LAMB4: variants seen among roughly 807,000 people sequenced by gnomAD.
The protein encoded by LAMB4 is laminin subunit beta 4.
A neutral mutation model predicts 199.2 loss-of-function variants in LAMB4; 196 were observed. That is an observed-to-expected ratio of 0.98 (90% CI 0.88 to 1.11). The LOEUF is 1.11. LAMB4 is among the 50% of genes least tolerant of loss of function. The pLI is 0.00. For missense variants in LAMB4, 2,080 were observed against 2,171.2 expected (o/e 0.96, Z 0.83); for synonymous variants, 744 against 770.6 (o/e 0.97, Z 0.57).
In LAMB4 at chr7:108,111,860, A is replaced by C; in HGVS notation, c.279T>G (p.Ile93Met). ...TTTCTCTGTCTGGTTCAAAACTTAC[A>C]ATGACATTCTCAATGGTGTGGCTGT... Reference protein sequence around the residue: ...QPNSHTIENVIVSFEPDREKK... With the variant: ...QPNSHTIENVMVSFEPDREKK... Residue 93 changes from isoleucine to methionine, a missense_variant, in exon 4 of 34, where the codon ATT (isoleucine) becomes ATG (methionine). Transcript: ENST00000388781. 6.2e-7 allele frequency: 1 copy of C among 1,612,206 alleles called. No individual in the cohort carries two copies. The highest frequency in any genetic ancestry group is 8.5e-7 in the Non-Finnish European group (1 of 1,179,180).
At chr7:108,019,764 T>A (rs1439281284), downstream of LAMB4, among the ~76,000 whole-genome samples, 2 of 152,156 alleles carry the variant, frequency 1.3e-5, no homozygotes, top group African/African-American at 4.8e-5. Flanking sequence ...AGACAGCAAT[T>A]TCCAGCCTGA....
intron 6 of LAMB4, 74 bp downstream of exon 6, chr7:108,107,557 G>GT: frequency 8.2e-7 from 1 of 1,226,984 alleles, no homozygotes; most frequent in South Asian, 1.4e-5. Context: ...ACTATCGAAA[G>GT]TTTTTCATTT....
chr7:108,066,672 G>A (rs1351600898), intron 19 of LAMB4, 72 bp from the exon 20 acceptor site: 32 of 994,290 alleles, frequency 3.2e-5, no homozygotes, highest in Non-Finnish European at 4.4e-5. Flanking sequence ...TTACAGTTCT[G>A]GTGTCTCATT....
intron 5 of LAMB4, among the ~76,000 whole-genome samples, chr7:108,108,323 T>C (rs893172104): frequency 3.3e-5 from 5 of 152,234 alleles, no homozygotes; most frequent in Non-Finnish European, 5.9e-5. Context: ...TCTAATTACA[T>C]TGTAAAAATG....
chr7:108,024,342 G>T (rs1732153), intron 33 of LAMB4, among the ~76,000 whole-genome samples, 164 bp from the exon 34 acceptor site: 19,175 of 152,066 alleles, frequency 0.13, 2,263 homozygotes, highest in African/African-American at 0.32. Context: ...GCTTCTCAAG[G>T]TTTTCACATA....
chr7:108,064,773 C>T (rs776359518), intron 21 of LAMB4, among the ~76,000 whole-genome samples: 3 of 151,970 alleles, frequency 2.0e-5, no homozygotes, highest in Non-Finnish European at 4.4e-5. Context: ...TGTAATTTAT[C>T]GTGATGGTAA....
At chr7:108,127,211 C>T (rs1324755615) in intron 1 of LAMB4, among the ~76,000 whole-genome samples, 1 of 141,142 alleles carries the variant, frequency 7.1e-6, no homozygotes, top group African/African-American at 2.7e-5. Context: ...TTTTTGAATC[C>T]TGCTTCCCGG....
chr7:108,092,676 C>T (rs575127183), intron 12 of LAMB4, among the ~76,000 whole-genome samples: 18 of 152,174 alleles, frequency 1.2e-4, no homozygotes, highest in South Asian at 8.3e-4. Flanking sequence ...GAGGCCGAGA[C>T]GGGTGGATCA....
At chr7:108,076,905 G>T (rs775402029) in intron 17 of LAMB4, 39 bp downstream of exon 17, 51 of 1,605,476 alleles carry the variant, frequency 3.2e-5, no homozygotes, top group Non-Finnish European at 4.3e-5. Flanking sequence ...ACGGTGCTTA[G>T]TAGCGAAGAA....
intron 5 of LAMB4, 87 bp downstream of exon 5, chr7:108,109,084 C>G: frequency 9.9e-7 from 1 of 1,010,620 alleles, no homozygotes; most frequent in Non-Finnish European, 1.6e-6. Flanking sequence ...TTGTTCACTG[C>G]AAGGAAGCAA....
chr7:108,059,402 A>T (rs1397324260), intron 23 of LAMB4, among the ~76,000 whole-genome samples: 1 of 152,022 alleles, frequency 6.6e-6, no homozygotes, highest in Non-Finnish European at 1.5e-5. Context: ...TCCTTCTCCC[A>T]ACTAGAGATG....
intron 23 of LAMB4, chr7:108,062,478 C>A: frequency 4.6e-6 from 1 of 215,662 alleles, no homozygotes; most frequent in Non-Finnish European, 9.1e-6. Flanking sequence ...CCTATGGTTA[C>A]ATGTATGAAA....
chr7:108,075,407 C>T (rs1197621841), intron 17 of LAMB4: 17 of 152,158 alleles, frequency 1.1e-4, no homozygotes, highest in Non-Finnish European at 7.3e-5. Context: ...TCAACTCTGC[C>T]TTTTAGCTTG....
chr7:108,108,812 A>T (rs410286), intron 5 of LAMB4, among the ~76,000 whole-genome samples: 56,096 of 151,810 alleles, frequency 0.37, 10,929 homozygotes, highest in Non-Finnish European at 0.42. Flanking sequence ...AGACTCTTTT[A>T]ATTTTTCTTT....
In LAMB4 at chr7:108,107,775, A is replaced by G. The variant is rs749172897; in HGVS notation, c.447T>C (p.Tyr149=). The change falls in exon 6 of 34, where the codon TAT becomes TAC. Residue 149 remains tyrosine, a synonymous_variant. Coordinates refer to ENST00000388781, the MANE Select transcript of LAMB4 (RefSeq NM_007356.3). ...AAMLVERSTD[Y]GHNWKVFKYF... Reference sequence around the variant, plus strand: ...ATTTGAACACTTTCCAGTTGTGTCCATAGTCTGTGGAACGTTCAACTAACA... The same window carrying G: ...ATTTGAACACTTTCCAGTTGTGTCCGTAGTCTGTGGAACGTTCAACTAACA... 2 of 1,611,710 alleles carry G rather than the reference A, an allele frequency of 1.2e-6. No individual in the cohort carries two copies. The highest frequency in any genetic ancestry group is 8.5e-7 in the Non-Finnish European group (1 of 1,179,520).
At chr7:108,046,743 G>A (rs1046380159) in intron 28 of LAMB4, among the ~76,000 whole-genome samples, 13 of 151,862 alleles carry the variant, frequency 8.6e-5, no homozygotes, top group Admixed American at 7.2e-4. Context: ...TGAGTTCAAG[G>A]TATGGTTTAA....
At position 108,086,497 on chromosome 7, in the gene LAMB4, G is replaced by A. The variant is rs909301; in HGVS notation, c.1701+5129C>T. Among the ~76,000 whole-genome samples the A allele has an allele frequency of 6.5e-3, 994 of 152,160 alleles. 8 individuals carry two copies. Among genetic ancestry groups the A allele is most frequent in the African/African-American group, 0.022 (927 of 41,510 alleles). On this transcript the variant is annotated intron_variant, in intron 14 of 33. Coordinates refer to ENST00000388781, the MANE Select transcript of LAMB4 (RefSeq NM_007356.3). ...AATTTCACAAAAATATGACTATTTT[G>A]TATTCTTCTCTTGTACTAAACTGAC...
intron 1 of LAMB4, among the ~76,000 whole-genome samples, chr7:108,125,211 C>A (rs1419596432): frequency 6.6e-6 from 1 of 152,078 alleles, no homozygotes; most frequent in East Asian, 1.9e-4. Context: ...TCTGTATAGG[C>A]CACCCGAACC....
intron 10 of LAMB4, among the ~76,000 whole-genome samples, chr7:108,102,328 TAATC>T (rs1224152245): frequency 6.6e-6 from 1 of 152,130 alleles, no homozygotes; most frequent in Non-Finnish European, 1.5e-5. Context: ...CAAAATGACA[TAATC>T]TATCTAAACT....
Sources: allele counts gnomAD v4.1 joint callset (sites outside exome capture counted in the v4.1 genomes callset), GRCh38; gene constraint gnomAD v4.1.1; transcripts MANE v1.5; gene names NCBI Gene and HGNC (gene_info 2026-07-23, HGNC 2026-07-21).